Variants in LPIN2 observed in about 807,000 individuals in gnomAD.
LPIN2 encodes the protein lipin 2, also known as phosphatidate phosphatase LPIN2.
In LPIN2, 55 loss-of-function variants were observed where a neutral mutation model predicts 111.4. That is an observed-to-expected ratio of 0.49 (90% CI 0.40 to 0.62). The LOEUF is 0.62. Among genes scored for constraint, LPIN2 ranks in the 20% least tolerant of loss-of-function variants. The pLI is 0.00. For synonymous variants in LPIN2, 425 were observed against 414.0 expected (o/e 1.03, Z -0.32); for missense variants, 992 against 1,112.1 (o/e 0.89, Z 1.54).
intron 5 of LPIN2, 65 bp from the exon 6 acceptor site, chr18:2,939,668 G>C: frequency 6.3e-7 from 1 of 1,584,420 alleles, no homozygotes. Flanking sequence ...TGCTGAGCCT[G>C]ACAGATTAAA....
intron 1 of LPIN2, among the ~76,000 whole-genome samples, chr18:2,999,988 A>C (rs2078407017): frequency 6.6e-6 from 1 of 151,784 alleles, no homozygotes; most frequent in African/African-American, 2.4e-5. Flanking sequence ...TGGAAGTTCA[A>C]GACCAACTTG....
chr18:3,002,236 C>CAAAAAAAAAAAAAAAAAAAAAAAA (rs765641037), intron 1 of LPIN2, among the ~76,000 whole-genome samples: 1 of 82,816 alleles, frequency 1.2e-5, no homozygotes, highest in African/African-American at 4.7e-5. Flanking sequence ...TTCAAAAGAC[C>CAAAAAAAAAAAAAAAAAAAAAAAA]AAAAAAAAAA....
chr18:2,969,669 G>C (rs554964426), intron 1 of LPIN2, among the ~76,000 whole-genome samples: 1 of 152,190 alleles, frequency 6.6e-6, no homozygotes, highest in African/African-American at 2.4e-5. Context: ...AAGAATGTAG[G>C]TTCATTCATG....
At chr18:2,921,774 C>T in intron 17 of LPIN2, 127 bp from the exon 18 acceptor site, 1 of 815,944 alleles carries the variant, frequency 1.2e-6, no homozygotes, top group Non-Finnish European at 2.0e-6. Flanking sequence ...ATCTTTCCTT[C>T]TCCTTCTTTG....
In LPIN2 at chr18:2,919,087, T is replaced by C. The variant is rs1330485730; in HGVS notation, c.*1206A>G. The C allele has an allele frequency of 1.3e-5, 2 of 152,152 alleles. No homozygotes were observed. Among genetic ancestry groups the C allele is most frequent in the Admixed American group, 6.5e-5 (1 of 15,274 alleles). 9.4% of individuals were successfully genotyped at this position (152,152 alleles called of 1,614,324 possible). On this transcript the variant is annotated 3_prime_UTR_variant, in exon 20 of 20. Coordinates refer to ENST00000677752, the MANE Select transcript of LPIN2 (RefSeq NM_001375808.2). ...CACACCTTTCCCTGGTGCCATCTCT[T>C]CAGACACGATGTGAGCTCATTACAA... is the stretch of plus-strand genomic sequence containing the variant.
chr18:2,958,653 G>A (rs1412962669), intron 2 of LPIN2, among the ~76,000 whole-genome samples: 1 of 152,140 alleles, frequency 6.6e-6, no homozygotes, highest in Non-Finnish European at 1.5e-5. Context: ...GAGATACTAA[G>A]GGAGTAGGAG....
At chr18:2,975,787 C>A (rs1055138565) in intron 1 of LPIN2, among the ~76,000 whole-genome samples, 1 of 152,176 alleles carries the variant, frequency 6.6e-6, no homozygotes, top group African/African-American at 2.4e-5. Context: ...GCCAGGAAAT[C>A]TGATTATTTG....
chr18:3,007,795 C>T (rs981089275), intron 1 of LPIN2, among the ~76,000 whole-genome samples: 12 of 152,224 alleles, frequency 7.9e-5, no homozygotes, highest in Admixed American at 2.6e-4. Context: ...TGGCACATAC[C>T]GGAGGGCAAT....
intron 8 of LPIN2, among the ~76,000 whole-genome samples, chr18:2,933,698 GTTGT>G (rs1309712896): frequency 6.6e-6 from 1 of 152,228 alleles, no homozygotes; most frequent in African/African-American, 2.4e-5. Flanking sequence ...GTGGAGAAAA[GTTGT>G]TTTTTTCTAA....
chr18:2,920,564 C>T, intron 19 of LPIN2, 127 bp from the exon 20 acceptor site: 1 of 1,017,544 alleles, frequency 9.8e-7, no homozygotes, highest in Non-Finnish European at 1.5e-6. Context: ...GGCCTCAGTC[C>T]CATCACAGGG....
chr18:2,956,320 GT>G (rs1306547133), intron 2 of LPIN2, among the ~76,000 whole-genome samples: 1 of 43,628 alleles, frequency 2.3e-5, no homozygotes, highest in Admixed American at 2.6e-4. Context: ...GGGTGTGTGT[GT>G]GTGTGTGTGT....
intron 4 of LPIN2, among the ~76,000 whole-genome samples, chr18:2,949,868 G>T (rs574081742): frequency 8.5e-5 from 13 of 152,154 alleles, no homozygotes; most frequent in Non-Finnish European, 1.9e-4. Context: ...GGAGGCTGAG[G>T]CGGGAGAGTT....
intron 1 of LPIN2, among the ~76,000 whole-genome samples, chr18:3,005,243 G>C (rs2078494297): frequency 1.3e-5 from 2 of 151,898 alleles, no homozygotes; most frequent in African/African-American, 4.8e-5. Context: ...CCAGCTACTA[G>C]GGAAGCCAAG....
At chr18:2,963,181 C>T (rs897892648) in intron 1 of LPIN2, among the ~76,000 whole-genome samples, 2 of 152,192 alleles carry the variant, frequency 1.3e-5, no homozygotes, top group African/African-American at 2.4e-5. Context: ...ACATGCTACA[C>T]CCTGGGTATG....
chr18:2,945,519 C>A, intron 4 of LPIN2: 1 of 1,120,404 alleles, frequency 8.9e-7, no homozygotes, highest in South Asian at 1.2e-5. Flanking sequence ...TTCTGAAATA[C>A]GTAATAGCCT....
chr18:2,977,594 G>A (rs1467755359), intron 1 of LPIN2, among the ~76,000 whole-genome samples: 1 of 152,136 alleles, frequency 6.6e-6, no homozygotes, highest in Non-Finnish European at 1.5e-5. Context: ...CAGAGACTGG[G>A]AAATGCTCAA....
At chr18:2,973,159 G>A in intron 1 of LPIN2, among the ~76,000 whole-genome samples, 1 of 152,036 alleles carries the variant, frequency 6.6e-6, no homozygotes, top group East Asian at 1.9e-4. Context: ...ATTACAAATA[G>A]CTGTACCTTG....
At position 2,945,639 on chromosome 18, in the gene LPIN2, G is replaced by A; in HGVS notation, c.591-4927C>T. 6.8e-6 allele frequency: 10 copies of A among 1,468,264 alleles called. No individual in the cohort carries two copies. In the South Asian group the frequency reaches 1.1e-4, roughly 17 times the overall value. The allele number at this position is 1,468,264 out of a possible 1,614,324, so 91.0% of individuals were successfully genotyped here. ...GCATCGGTTCAGCTTTTCTCATAGT[G>A]ATTTCAATCTTTGTTGCAGTCATAG... On this transcript the variant is annotated intron_variant, in intron 4 of 19. Coordinates refer to ENST00000677752, the MANE Select transcript of LPIN2 (RefSeq NM_001375808.2).
intron 1 of LPIN2, among the ~76,000 whole-genome samples, chr18:2,975,641 C>A (rs2078000349): frequency 6.6e-6 from 1 of 152,098 alleles, no homozygotes; most frequent in South Asian, 2.1e-4. Flanking sequence ...TATGAGTAGT[C>A]TTACAGATAC....
Sources: gnomAD v4.1 joint callset for allele counts (sites outside exome capture counted in the v4.1 genomes callset) on GRCh38, gnomAD v4.1.1 for gene constraint, MANE v1.5 for transcripts, NCBI Gene and HGNC (gene_info 2026-07-23, HGNC 2026-07-21) for gene names.